GK2: variants seen among roughly 807,000 people sequenced by gnomAD.
The protein encoded by GK2 is glycerol kinase 2, also known as ATP:glycerol 3-phosphotransferase 2.
In GK2, 10 loss-of-function variants were observed where a neutral mutation model predicts 9.5. The observed-to-expected ratio is 1.05, with a 90% CI of 0.65 to 1.78. The LOEUF is 1.78. GK2 is among the 40% of genes most tolerant of loss of function. GK2 has a pLI of 0.00. For synonymous variants in GK2, 228 were observed against 229.9 expected, an observed-to-expected ratio of 0.99 and a Z score of 0.07; for missense variants, 643 against 669.0, an observed-to-expected ratio of 0.96 and a Z score of 0.43.
rs1725875371 is a variant in GK2, at chr4:79,407,266, T to A, written c.935A>T (p.Lys312Met). The A allele has an allele frequency of 8.7e-6, 14 of 1,614,088 alleles. No individual in the cohort carries two copies. The highest frequency in any genetic ancestry group is 1.2e-5 in the Non-Finnish European group (14 of 1,180,030). Residue 312 changes from lysine to methionine, a missense_variant, in exon 1 of 1, where the codon AAG (lysine) becomes ATG (methionine). Physicochemically the swap from Lys to Met is moderately conservative, Grantham distance 95. Coordinates refer to ENST00000358842, the MANE Select transcript of GK2 (RefSeq NM_033214.3). The part of the protein sequence containing the change: ...TTVAYKLGRE[K>M]PAYYALEGSV... The stretch of plus-strand genomic sequence containing the variant: ...ACCTTCCAGTGCATAATATGCTGGC[T>A]TCTCTCTGCCTAGTTTGTAAGCTAC...
rs755276822 is a variant in GK2, at chr4:79,407,179, G to A, written c.1022C>T (p.Thr341Ile). The A allele has an allele frequency of 8.6e-5, 139 of 1,614,046 alleles. No homozygotes were observed. The highest frequency in any genetic ancestry group is 1.1e-4 in the Non-Finnish European group (127 of 1,180,038). Residue 341 changes from threonine (T) to isoleucine (I), a missense_variant, in exon 1 of 1, where the codon ACC becomes ATC. Thr to Ile is a moderately conservative substitution (Grantham distance 89). Coordinates refer to ENST00000358842, the MANE Select transcript of GK2 (RefSeq NM_033214.3). ...AGCAAGTCTTTCAATGTCTCCTGAG[G>A]TCTCTATAATTCCAAGATTGTCTCT... The part of the protein sequence containing the change: ...WLRDNLGIIE[T>I]SGDIERLAKE...
chr4:79,406,553 A>C lies in GK2; in HGVS notation c.1648T>G (p.Ser550Ala). 6.2e-7 allele frequency: 1 copy of C among 1,604,540 alleles called. No homozygotes were observed. The highest frequency in any genetic ancestry group is 1.1e-5 in the South Asian group (1 of 90,810). ...AGCTGGTATTATTATGGCACACCCG[A>C]GATATATCTTGCTCCAATTAGCATT... ...MVMLIGARYI[S>A]GVP Residue 550 changes from serine to alanine, a missense_variant, in exon 1 of 1, where the codon TCG becomes GCG. By Grantham distance (99) the Ser-to-Ala change is moderately conservative. Coordinates refer to ENST00000358842, the MANE Select transcript of GK2 (RefSeq NM_033214.3).
At position 79,408,103 on chromosome 4, in the gene GK2, G is replaced by T; in HGVS notation, c.98C>A (p.Ala33Glu). 6.2e-7 allele frequency: 1 copy of T among 1,614,080 alleles called. No homozygotes were observed. The highest frequency in any genetic ancestry group is 8.5e-7 in the Non-Finnish European group (1 of 1,179,954). ...CACTTTGTGATGACTAAGTAGTTCC[G>T]CTGTTTTTGAATTGAAAACCAGAAA... ...TRFLVFNSKT[A>E]ELLSHHKVEL... Residue 33 changes from alanine (A) to glutamate (E), a missense_variant, in exon 1 of 1, where the codon GCG becomes GAG. Coordinates refer to ENST00000358842, the MANE Select transcript of GK2 (RefSeq NM_033214.3).
In GK2 at chr4:79,408,215, G is replaced by T; in HGVS notation, c.-15C>A. 1.9e-6 allele frequency: 3 copies of T among 1,556,838 alleles called. No homozygotes were observed. Among genetic ancestry groups the T allele is most frequent in the Non-Finnish European group, 2.6e-6 (3 of 1,153,828 alleles). Reference sequence around the variant, plus strand: ...GGGGCTGCCATGACACCAGTAGGTCGGCTCAGCAGCTCTGGGACCGTTTCC... The same window carrying T: ...GGGGCTGCCATGACACCAGTAGGTCTGCTCAGCAGCTCTGGGACCGTTTCC... On this transcript the variant is annotated 5_prime_UTR_variant, in exon 1 of 1. Coordinates refer to ENST00000358842, the MANE Select transcript of GK2 (RefSeq NM_033214.3).
chr4:79,407,277 T>A lies in GK2; in HGVS notation c.924A>T (p.Leu308=), dbSNP rs1309603755. The change falls in exon 1 of 1, where the codon CTA becomes CTT. Residue 308 remains leucine, a synonymous_variant. Transcript: ENST00000358842. The part of the protein sequence containing the change: ...HGLLTTVAYK[L]GREKPAYYAL... Reference sequence around the variant, plus strand: ...CATAATATGCTGGCTTCTCTCTGCCTAGTTTGTAAGCTACTGTGGTCAAAA... The same window carrying A: ...CATAATATGCTGGCTTCTCTCTGCCAAGTTTGTAAGCTACTGTGGTCAAAA... The A allele has an allele frequency of 6.2e-7, 1 of 1,614,218 alleles. No homozygotes were observed.
At position 79,406,942 on chromosome 4, in the gene GK2, C is replaced by T. The variant is rs140956192; in HGVS notation, c.1259G>A (p.Arg420His). Residue 420 changes from arginine (R) to histidine (H), a missense_variant, in exon 1 of 1, where the codon CGT becomes CAT. Physicochemically the swap from Arg to His is conservative, Grantham distance 29. Coordinates refer to ENST00000358842, the MANE Select transcript of GK2 (RefSeq NM_033214.3). ...AMNRDCGIPL[R>H]HLQVDGGMTN... ...CATTCCTCCATCTACCTGCAAATGACGAAGTGGAATTCCACAGTCACGGTT... is the reference window on the plus strand; with the variant it reads ...CATTCCTCCATCTACCTGCAAATGATGAAGTGGAATTCCACAGTCACGGTT... 142 of 1,614,188 alleles carry T rather than the reference C, an allele frequency of 8.8e-5. No homozygotes were observed. The African/African-American group carries it at 1.6e-3, about 18-fold the overall frequency.
chr4:79,407,096 C>T lies in GK2; in HGVS notation c.1105G>A (p.Ala369Thr), dbSNP rs749473478. The stretch of plus-strand genomic sequence containing the variant: ...CTTGCACTGGGCTCCCAATAAGGTG[C>T]ATATAACCCTGAAAAGGCTGGGACA... ...YFVPAFSGLY[A>T]PYWEPSARGI... The change falls in exon 1 of 1, where the codon GCA becomes ACA. Residue 369 changes from alanine (A) to threonine (T), a missense_variant. Coordinates refer to ENST00000358842, the MANE Select transcript of GK2 (RefSeq NM_033214.3). 1.2e-6 allele frequency: 2 copies of T among 1,614,110 alleles called. No homozygotes were observed. Among genetic ancestry groups the T allele is most frequent in the South Asian group, 1.1e-5 (1 of 91,076 alleles).
Position 79,406,590 on chromosome 4 carries a change from C to T in GK2, c.1611G>A (p.Val537=), listed in dbSNP as rs1253772430. The T allele has an allele frequency of 7.4e-6, 12 of 1,613,794 alleles. No homozygotes were observed. The Admixed American group carries it at 2.0e-4, about 27-fold the overall frequency. Residue 537 remains valine, a synonymous_variant, in exon 1 of 1, where the codon GTG becomes GTA. Coordinates refer to ENST00000358842, the MANE Select transcript of GK2 (RefSeq NM_033214.3). ...FSSLPLGFFI[V]SSMVMLIGAR... is the part of the protein sequence containing the mutation. ...CTCCAATTAGCATTACCATGCTACT[C>T]ACTATAAAAAATCCCAAAGGCAGAC...
chr4:79,406,581 C>A lies in GK2; in HGVS notation c.1620G>T (p.Met540Ile). 6.2e-7 allele frequency: 1 copy of A among 1,612,162 alleles called. No homozygotes were observed. The highest frequency in any genetic ancestry group is 8.5e-7 in the Non-Finnish European group (1 of 1,178,230). The change falls in exon 1 of 1, where the codon ATG becomes ATT. Residue 540 changes from methionine to isoleucine, a missense_variant. Transcript: ENST00000358842. ...TATATCTTGCTCCAATTAGCATTAC[C>A]ATGCTACTCACTATAAAAAATCCCA... ...LPLGFFIVSS[M>I]VMLIGARYIS...
In GK2 at chr4:79,407,428, C is replaced by G. The variant is rs769121531; in HGVS notation, c.773G>C (p.Gly258Ala). The change falls in exon 1 of 1, where the codon GGG becomes GCG. Residue 258 changes from glycine to alanine, a missense_variant. Transcript: ENST00000358842. ...TCCTACTAATGCAGCACATTGGTCC[C>G]CCAAACACCCAGATATTGGCACACC... ...LEGVPISGCL[G>A]DQCAALVGQM... 6.2e-7 allele frequency: 1 copy of G among 1,614,124 alleles called. No homozygotes were observed.
chr4:79,406,547 CA>C lies in GK2; in HGVS notation c.1653del (p.Val552CysfsTer17), dbSNP rs1725853800. On this transcript the variant is annotated frameshift_variant, in exon 1 of 1. Transcript: ENST00000358842. LOFTEE classifies it high-confidence loss of function. ...VMLIGARYISGVP is the reference protein window; with the variant it reads ...VMLIGARYISXVP ...CTCCATAGCTGGTATTATTATGGCA[CA>C]CCCGAGATATATCTTGCTCCAATTA... is the stretch of plus-strand genomic sequence containing the variant. 2 of 1,596,770 alleles carry C rather than the reference CA, an allele frequency of 1.3e-6. No homozygotes were observed. Among genetic ancestry groups the C allele is most frequent in the South Asian group, 1.1e-5 (1 of 90,462 alleles).
chr4:79,406,823 C>T lies in GK2; in HGVS notation c.1378G>A (p.Ala460Thr). Residue 460 changes from alanine to threonine, a missense_variant, in exon 1 of 1, where the codon GCC becomes ACC. Physicochemically the swap from Ala to Thr is moderately conservative, Grantham distance 58 (BLOSUM62 0). Coordinates refer to ENST00000358842, the MANE Select transcript of GK2 (RefSeq NM_033214.3). ...CCCTCTGCAGCCCCTGCTGCCATGG[C>T]AGCTCCTAGTGCAGTTGTTTCAGGC... ...FMPETTALGAAMAAGAAEGVS... is the reference protein window; with the variant it reads ...FMPETTALGATMAAGAAEGVS... 4 of 1,614,244 alleles carry T rather than the reference C, an allele frequency of 2.5e-6. No homozygotes were observed. Among genetic ancestry groups the T allele is most frequent in the Non-Finnish European group, 3.4e-6 (4 of 1,180,032 alleles).
Position 79,406,961 on chromosome 4 carries a change from C to CA in GK2, c.1239dup (p.Asp414Ter). ...AAATGACGAAGTGGAATTCCACAGTCACGGTTCATGGCTTCCAAAATCTCT... is the reference window on the plus strand; with the variant it reads ...AAATGACGAAGTGGAATTCCACAGTCAACGGTTCATGGCTTCCAAAATCTCT... On this transcript the variant is annotated frameshift_variant, in exon 1 of 1. Transcript: ENST00000358842. LOFTEE classifies it low-confidence loss of function (END_TRUNC). 6.2e-7 allele frequency: 1 copy of CA among 1,614,180 alleles called. No homozygotes were observed.
At position 79,407,822 on chromosome 4, in the gene GK2, T is replaced by C. The variant is rs1320518514; in HGVS notation, c.379A>G (p.Ser127Gly). ...LRTQTTVEDL[S>G]KKIPGNSNFV... ...TTACTATTTCCTGGAATTTTTTTAC[T>C]AAGATCCTCAACAGTAGTCTGGGTT... The change falls in exon 1 of 1, where the codon AGT (serine) becomes GGT (glycine). Residue 127 changes from serine to glycine, a missense_variant. By Grantham distance (56) the Ser-to-Gly change is moderately conservative. Coordinates refer to ENST00000358842, the MANE Select transcript of GK2 (RefSeq NM_033214.3). 3 of 1,614,198 alleles carry C rather than the reference T, an allele frequency of 1.9e-6. No individual in the cohort carries two copies. In the Admixed American group the frequency reaches 5.0e-5, roughly 27 times the overall value.
In GK2 at chr4:79,407,865, C is replaced by G; in HGVS notation, c.336G>C (p.Val112=). The change falls in exon 1 of 1, where the codon GTG becomes GTC. Residue 112 remains valine, a synonymous_variant. Transcript: ENST00000358842. Reference sequence around the variant, plus strand: ...TCTGGGTTCTTAGATCAAGCCACACCACAGCATTGTAGAGAGGCTCTCCTG... The same window carrying G: ...TCTGGGTTCTTAGATCAAGCCACACGACAGCATTGTAGAGAGGCTCTCCTG... ...KLTGEPLYNA[V]VWLDLRTQTT... 6.2e-7 allele frequency: 1 copy of G among 1,614,076 alleles called. No individual in the cohort carries two copies. The highest frequency in any genetic ancestry group is 8.5e-7 in the Non-Finnish European group (1 of 1,179,936).
rs1725891464 is a variant in GK2 at position 79,407,910 on chromosome 4, A to T, written c.291T>A (p.Thr97=). The change falls in exon 1 of 1, where the codon ACT becomes ACA. Residue 97 remains threonine, a synonymous_variant. Coordinates refer to ENST00000358842, the MANE Select transcript of GK2 (RefSeq NM_033214.3). ...CTCCTGTTAACTTGTCCCAGATTAC[A>T]GTGGTTTCCCTCTGATTGCTGACAC... ...AVGVSNQRET[T]VIWDKLTGEP... is the part of the protein sequence containing the mutation. 2 of 1,614,098 alleles carry T rather than the reference A, an allele frequency of 1.2e-6. No homozygotes were observed. The highest frequency in any genetic ancestry group is 2.2e-5 in the South Asian group (2 of 91,090).
chr4:79,407,738 G>T lies in GK2; in HGVS notation c.463C>A (p.Arg155Ser). Residue 155 changes from arginine (R) to serine (S), a missense_variant, in exon 1 of 1, where the codon CGT becomes AGT. Arg to Ser is a moderately radical substitution (Grantham distance 110). Transcript: ENST00000358842. ...TTTCTCACATTGTCAAGCATCCAAC[G>T]AAGTTTTACTGCACTGAAGTAAGTG... is the stretch of plus-strand genomic sequence containing the variant. Reference protein sequence around the residue: ...LSTYFSAVKLRWMLDNVRNVQ... With the variant: ...LSTYFSAVKLSWMLDNVRNVQ... The T allele has an allele frequency of 6.2e-7, 1 of 1,614,076 alleles. No individual in the cohort carries two copies. The highest frequency in any genetic ancestry group is 8.5e-7 in the Non-Finnish European group (1 of 1,179,976).
rs939816327 is a variant in GK2 at position 79,406,816 on chromosome 4, G to C, written c.1385C>G (p.Ala462Gly). Reference sequence around the variant, plus strand: ...GCTTACTCCCTCTGCAGCCCCTGCTGCCATGGCAGCTCCTAGTGCAGTTGT... The same window carrying C: ...GCTTACTCCCTCTGCAGCCCCTGCTCCCATGGCAGCTCCTAGTGCAGTTGT... ...PETTALGAAM[A>G]AGAAEGVSVW... The change falls in exon 1 of 1, where the codon GCA becomes GGA. Residue 462 changes from alanine to glycine, a missense_variant. Transcript: ENST00000358842. The C allele has an allele frequency of 2.5e-6, 4 of 1,614,228 alleles. No homozygotes were observed. The South Asian group carries it at 4.4e-5, about 18-fold the overall frequency.
chr4:79,407,287 G>C lies in GK2; in HGVS notation c.914C>G (p.Ala305Gly), dbSNP rs1553902439. Reference protein sequence around the residue: ...FSEHGLLTTVAYKLGREKPAY... With the variant: ...FSEHGLLTTVGYKLGREKPAY... ...TGGCTTCTCTCTGCCTAGTTTGTAA[G>C]CTACTGTGGTCAAAAGGCCATGTTC... Residue 305 changes from alanine (A) to glycine (G), a missense_variant, in exon 1 of 1, where the codon GCT becomes GGT. Physicochemically the swap from Ala to Gly is moderately conservative, Grantham distance 60. Transcript: ENST00000358842. 5.6e-6 allele frequency: 9 copies of C among 1,614,180 alleles called. No individual in the cohort carries two copies. The highest frequency in any genetic ancestry group is 6.8e-6 in the Non-Finnish European group (8 of 1,180,030).
Sources: gnomAD v4.1 joint callset for allele counts on GRCh38, gnomAD v4.1.1 for gene constraint, MANE v1.5 for transcripts, NCBI Gene and HGNC (gene_info 2026-07-23, HGNC 2026-07-21) for gene names.